The following PLEKHA7 variants were observed in gnomAD, a reference collection of about 807,000 sequenced individuals.
The protein encoded by PLEKHA7 is pleckstrin homology domain containing A7, also known as pleckstrin homology domain-containing family A member 7.
In PLEKHA7, 104 loss-of-function variants were observed where a neutral mutation model predicts 170.0. That is an observed-to-expected ratio of 0.61 (90% CI 0.52 to 0.72). The LOEUF (loss-of-function observed/expected upper bound fraction) is 0.72, where lower values mean the gene tolerates loss of function less well. Ranked by LOEUF, PLEKHA7 falls within the 30% of genes least tolerant of loss-of-function variation. The probability of loss-of-function intolerance (pLI) is 0.00; values close to 1 mark genes in which losing one functional copy is unlikely to be tolerated. For synonymous variants in PLEKHA7, 648 were observed against 660.8 expected, an observed-to-expected ratio of 0.98 and a Z score of 0.30; for missense variants, 1,615 against 1,671.7, an observed-to-expected ratio of 0.97 and a Z score of 0.59.
chr11:17,001,520 C>T (rs890199279), intron 3 of PLEKHA7, among the ~76,000 whole-genome samples: 3 of 152,200 alleles, frequency 2.0e-5, no homozygotes, highest in African/African-American at 7.2e-5. Flanking sequence ...TCTCCCGCCT[C>T]ACCCAGCGGG....
At chr11:17,001,733 G>A (rs988795533) in intron 3 of PLEKHA7, among the ~76,000 whole-genome samples, 3 of 149,096 alleles carry the variant, frequency 2.0e-5, no homozygotes, top group Admixed American at 6.7e-5. Context: ...GCCCCAGGAA[G>A]AGACTGCACA....
intron 3 of PLEKHA7, among the ~76,000 whole-genome samples, chr11:16,915,124 C>T (rs1364456957): frequency 6.6e-6 from 1 of 152,166 alleles, no homozygotes; most frequent in African/African-American, 2.4e-5. Flanking sequence ...ACCTCAATGA[C>T]CCTTAAGGGG....
intron 3 of PLEKHA7, among the ~76,000 whole-genome samples, chr11:16,970,566 T>C (rs1050923133): frequency 2.0e-5 from 3 of 147,882 alleles, no homozygotes; most frequent in African/African-American, 5.0e-5. Flanking sequence ...ACTACGGAGG[T>C]TGAGGCAGGA....
chr11:16,855,687 C>T, intron 5 of PLEKHA7, 116 bp downstream of exon 5: 1 of 787,002 alleles, frequency 1.3e-6, no homozygotes. Flanking sequence ...GGGGAGAACA[C>T]TTCTTATGGG....
At chr11:17,000,271 T>G (rs1864587206) in intron 3 of PLEKHA7, among the ~76,000 whole-genome samples, 1 of 152,122 alleles carries the variant, frequency 6.6e-6, no homozygotes, top group Non-Finnish European at 1.5e-5. Context: ...TTTTTGTATT[T>G]TTAGTAGAGA....
At chr11:16,951,555 G>C (rs1227439440) in intron 3 of PLEKHA7, among the ~76,000 whole-genome samples, 3 of 151,836 alleles carry the variant, frequency 2.0e-5, no homozygotes, top group Non-Finnish European at 4.4e-5. Context: ...AAAGAACTCA[G>C]ATACAAACCC....
chr11:16,800,950 A>C, intron 17 of PLEKHA7, 24 bp downstream of exon 17: 6 of 1,585,692 alleles, frequency 3.8e-6, no homozygotes, highest in Non-Finnish European at 5.2e-6. Flanking sequence ...AGAGCTCAGA[A>C]GAGATGGACA....
At chr11:16,804,507 G>A (rs74338007) in intron 13 of PLEKHA7, among the ~76,000 whole-genome samples, 5,759 of 152,312 alleles carry the variant, frequency 0.038, 123 homozygotes, top group Middle Eastern at 0.1. Context: ...AAACTGTCAT[G>A]AGCAAATCCA....
At chr11:17,013,860 G>A (rs1865478541) in intron 3 of PLEKHA7, 129 bp downstream of exon 3, 8 of 1,131,672 alleles carry the variant, frequency 7.1e-6, no homozygotes, top group Middle Eastern at 3.2e-4. Context: ...GTTGAGTGTG[G>A]CCGCGGCGCA....
At chr11:16,828,154 T>C (rs1489202846) in intron 9 of PLEKHA7, among the ~76,000 whole-genome samples, 1 of 152,156 alleles carries the variant, frequency 6.6e-6, no homozygotes, top group East Asian at 1.9e-4. Flanking sequence ...TTTGGCTGTG[T>C]CCCCACCCAA....
At chr11:17,008,062 G>A (rs1257933605) in intron 3 of PLEKHA7, among the ~76,000 whole-genome samples, 5 of 152,100 alleles carry the variant, frequency 3.3e-5, no homozygotes, top group Non-Finnish European at 4.4e-5. Flanking sequence ...CCTGCTTCAG[G>A]TCCTAGGGGA....
intron 9 of PLEKHA7, among the ~76,000 whole-genome samples, chr11:16,840,686 G>C (rs1403833953): frequency 6.6e-6 from 1 of 152,208 alleles, no homozygotes; most frequent in Admixed American, 6.5e-5. Flanking sequence ...TGCTATGGGA[G>C]CTCCAGAGAG....
intron 3 of PLEKHA7, among the ~76,000 whole-genome samples, chr11:16,986,954 G>A (rs906874026): frequency 7.9e-5 from 12 of 152,166 alleles, no homozygotes; most frequent in Non-Finnish European, 1.8e-4. Context: ...CACCGGCAAG[G>A]GCATTTCCAG....
At chr11:16,818,145 C>T (rs926752449) in intron 10 of PLEKHA7, among the ~76,000 whole-genome samples, 14 of 152,148 alleles carry the variant, frequency 9.2e-5, no homozygotes, top group South Asian at 2.1e-4. Flanking sequence ...CATCTTGCAA[C>T]GGAAAAAGGA....
chr11:16,954,115 G>C (rs1260603503), intron 3 of PLEKHA7, among the ~76,000 whole-genome samples: 1 of 152,158 alleles, frequency 6.6e-6, no homozygotes, highest in Non-Finnish European at 1.5e-5. Flanking sequence ...GGGATTTGTA[G>C]GGTTTCTGGC....
chr11:16,854,663 A>G (rs1853277462), intron 6 of PLEKHA7, among the ~76,000 whole-genome samples: 1 of 152,226 alleles, frequency 6.6e-6, no homozygotes, highest in Admixed American at 6.5e-5. Flanking sequence ...CCAGGGGCCA[A>G]AGTGGTCAAG....
chr11:16,896,989 C>G (rs1393989040), intron 3 of PLEKHA7, among the ~76,000 whole-genome samples: 1 of 152,132 alleles, frequency 6.6e-6, no homozygotes, highest in African/African-American at 2.4e-5. Context: ...TCTCTGTTGG[C>G]TCTGATTCTC....
intron 24 of PLEKHA7, among the ~76,000 whole-genome samples, chr11:16,785,950 T>TA (rs1214791575): frequency 6.6e-6 from 1 of 152,214 alleles, no homozygotes; most frequent in African/African-American, 2.4e-5. Context: ...CATGTGCAGT[T>TA]ACTTAATCCT....
chr11:16,896,885 G>A (rs1164137678), intron 3 of PLEKHA7, among the ~76,000 whole-genome samples: 1 of 151,904 alleles, frequency 6.6e-6, no homozygotes, highest in Non-Finnish European at 1.5e-5. Context: ...TCCTTTAGAA[G>A]CCTTCCACGA....
Sources: gnomAD v4.1 joint callset for allele counts (sites outside exome capture counted in the v4.1 genomes callset) on GRCh38, gnomAD v4.1.1 for gene constraint, MANE v1.5 for transcripts, NCBI Gene and HGNC (gene_info 2026-07-23, HGNC 2026-07-21) for gene names.